The following PPP1R9A variants were observed in gnomAD, a reference collection of about 807,000 sequenced individuals.
PPP1R9A encodes the protein neurabin-1.
PPP1R9A carries 59 observed loss-of-function variants against 141.9 expected under a neutral mutation model. The ratio of observed to expected loss-of-function variants is 0.42; its 90% CI spans 0.34 to 0.52. The LOEUF (loss-of-function observed/expected upper bound fraction) is 0.52. Ranked by LOEUF, PPP1R9A falls within the 20% of genes least tolerant of loss-of-function variation. PPP1R9A has a pLI of 0.10. For synonymous variants in PPP1R9A, 500 were observed against 569.7 expected (o/e 0.88, Z 1.74); for missense variants, 1,444 against 1,611.9 (o/e 0.90, Z 1.78).
chr7:95,194,554 A>G (rs570498197), intron 5 of PPP1R9A, among the ~76,000 whole-genome samples: 2 of 152,202 alleles, frequency 1.3e-5, no homozygotes, highest in East Asian at 3.9e-4. Context: ...ATGTGATATT[A>G]TATATCAAAT....
chr7:95,104,600 A>T (rs1321871934), intron 2 of PPP1R9A, among the ~76,000 whole-genome samples: 1 of 152,172 alleles, frequency 6.6e-6, no homozygotes, highest in Non-Finnish European at 1.5e-5. Flanking sequence ...TATAAACTCC[A>T]GTTTGGCTTA....
intron 14 of PPP1R9A, among the ~76,000 whole-genome samples, chr7:95,270,421 G>A (rs937764815): frequency 2.0e-5 from 3 of 152,068 alleles, no homozygotes; most frequent in Admixed American, 6.6e-5. Flanking sequence ...AGGAGTTGGC[G>A]ATTTTCTGAA....
intron 2 of PPP1R9A, among the ~76,000 whole-genome samples, chr7:95,086,799 C>T (rs1269576715): frequency 6.6e-6 from 1 of 151,986 alleles, no homozygotes; most frequent in African/African-American, 2.4e-5. Context: ...AAAATCACAT[C>T]AAGGAAGATA....
chr7:94,945,719 A>G (rs1795824580), intron 2 of PPP1R9A, among the ~76,000 whole-genome samples: 1 of 152,122 alleles, frequency 6.6e-6, no homozygotes, highest in Non-Finnish European at 1.5e-5. Context: ...TGCTAAAACA[A>G]TTTGAACCTT....
intron 2 of PPP1R9A, among the ~76,000 whole-genome samples, chr7:94,972,215 G>A (rs1256446432): frequency 6.6e-6 from 1 of 152,088 alleles, no homozygotes; most frequent in East Asian, 1.9e-4. Flanking sequence ...TTTGTACTGT[G>A]TATATATGGT....
chr7:95,283,191 T>C (rs1161560472), intron 16 of PPP1R9A, among the ~76,000 whole-genome samples: 1 of 152,214 alleles, frequency 6.6e-6, no homozygotes, highest in African/African-American at 2.4e-5. Context: ...TAATTACAGA[T>C]ATGAAAGAAC....
chr7:94,970,541 G>A (rs1798748147), intron 2 of PPP1R9A, among the ~76,000 whole-genome samples: 2 of 151,858 alleles, frequency 1.3e-5, no homozygotes, highest in African/African-American at 4.8e-5. Context: ...GCGTACCTCG[G>A]TTAGAAATGT....
At chr7:95,067,792 G>A (rs117973213) in intron 2 of PPP1R9A, among the ~76,000 whole-genome samples, 159 of 152,198 alleles carry the variant, frequency 1.0e-3, no homozygotes, top group Non-Finnish European at 1.9e-3. Context: ...GTGGTCTACA[G>A]CTTCAGTAAC....
At chr7:94,998,346 C>T (rs1178347277) in intron 2 of PPP1R9A, among the ~76,000 whole-genome samples, 1 of 152,108 alleles carries the variant, frequency 6.6e-6, no homozygotes, top group Admixed American at 6.5e-5. Context: ...ACTATTTACC[C>T]CTCTCATTTT....
intron 2 of PPP1R9A, among the ~76,000 whole-genome samples, chr7:95,057,998 C>T (rs1811721634): frequency 6.6e-6 from 1 of 151,994 alleles, no homozygotes; most frequent in Admixed American, 6.6e-5. Flanking sequence ...GGTTATAAAC[C>T]AGAGTACTAG....
At chr7:95,049,435 G>A (rs777629186) in intron 2 of PPP1R9A, among the ~76,000 whole-genome samples, 2 of 152,152 alleles carry the variant, frequency 1.3e-5, no homozygotes, top group Non-Finnish European at 2.9e-5. Flanking sequence ...AGTAAAGAGA[G>A]GCTCCATACA....
Position 94,954,409 on chromosome 7 carries a change from C to A in PPP1R9A, c.1395+42901C>A, listed in dbSNP as rs958293820. Among the ~76,000 whole-genome samples, 3 of 151,936 alleles carry A rather than the reference C, an allele frequency of 2.0e-5. No homozygotes were observed. In the East Asian group the frequency reaches 5.8e-4, roughly 29 times the overall value. ...TTCCTTTATAATTTTAAAAGTCATT[C>A]TTTCCTTATGTACTTATATGCCATT... On this transcript the variant is annotated intron_variant, in intron 2 of 19. Transcript: ENST00000433360.
At chr7:95,216,373 G>A (rs1479602571) in intron 7 of PPP1R9A, among the ~76,000 whole-genome samples, 10 of 152,164 alleles carry the variant, frequency 6.6e-5, no homozygotes, top group Non-Finnish European at 1.0e-4. Flanking sequence ...CTGTAGCCTT[G>A]TAGTATAGTT....
At chr7:95,237,260 G>A (rs554619941) in intron 8 of PPP1R9A, among the ~76,000 whole-genome samples, 52 of 149,326 alleles carry the variant, frequency 3.5e-4, no homozygotes, top group Non-Finnish European at 6.4e-4. Context: ...CAGTGGTGCC[G>A]TCTCAGTTCA....
rs1404910948 is a variant in PPP1R9A, at chr7:95,208,711, G to A, written c.1956+4981G>A. Among the ~76,000 whole-genome samples the A allele has an allele frequency of 2.6e-5, 4 of 151,408 alleles. No homozygotes were observed. In the East Asian group the frequency reaches 5.8e-4, roughly 22 times the overall value. Reference sequence around the variant, plus strand: ...GGCACTCCATCCTGGGCCACAGAGCGAGACTCTGTCTCAAAAAAAAAATAA... The same window carrying A: ...GGCACTCCATCCTGGGCCACAGAGCAAGACTCTGTCTCAAAAAAAAAATAA... On this transcript the variant is annotated intron_variant, in intron 7 of 19. Transcript: ENST00000433360.
intron 16 of PPP1R9A, among the ~76,000 whole-genome samples, chr7:95,280,813 A>G (rs1008893521): frequency 6.6e-6 from 1 of 152,216 alleles, no homozygotes; most frequent in Non-Finnish European, 1.5e-5. Context: ...AGGAAAGAAA[A>G]GGAAGGAACG....
intron 16 of PPP1R9A, among the ~76,000 whole-genome samples, chr7:95,274,856 A>G (rs1802871685): frequency 6.6e-6 from 1 of 152,172 alleles, no homozygotes; most frequent in African/African-American, 2.4e-5. Context: ...TAACTTTTAA[A>G]TCTTGGGCAA....
intron 2 of PPP1R9A, among the ~76,000 whole-genome samples, chr7:94,939,817 T>TAC (rs4014722): frequency 0.037 from 5,333 of 145,236 alleles, 158 homozygotes; most frequent in African/African-American, 0.084. Flanking sequence ...TATATATGTG[T>TAC]ACACACACAC....
At chr7:94,957,254 G>A (rs1797169955) in intron 2 of PPP1R9A, among the ~76,000 whole-genome samples, 1 of 152,136 alleles carries the variant, frequency 6.6e-6, no homozygotes, top group Non-Finnish European at 1.5e-5. Context: ...CCATGGGACA[G>A]CCTGGACTTC....
Sources: allele counts gnomAD v4.1 joint callset (sites outside exome capture counted in the v4.1 genomes callset), GRCh38; gene constraint gnomAD v4.1.1; transcripts MANE v1.5; gene names NCBI Gene and HGNC (gene_info 2026-07-23, HGNC 2026-07-21).